Variants in TSC1 observed in about 807,000 individuals in gnomAD.
TSC1 encodes the protein hamartin.
TSC1 carries 20 observed loss-of-function variants against 124.3 expected under a neutral mutation model. The observed-to-expected ratio is 0.16, with a 90% CI of 0.11 to 0.23. TSC1 has a LOEUF of 0.23. Ranked by LOEUF, TSC1 falls within the 10% of genes least tolerant of loss-of-function variation. The probability of loss-of-function intolerance (pLI) is 1.00; values close to 1 mark genes in which losing one functional copy is unlikely to be tolerated. For missense variants in TSC1, 1,124 were observed against 1,448.5 expected (o/e 0.78, Z 3.64); for synonymous variants, 493 against 539.1 (o/e 0.91, Z 1.19).
At chr9:132,930,260 G>C (rs1204103131) in intron 2 of TSC1, among the ~76,000 whole-genome samples, 1 of 152,082 alleles carries the variant, frequency 6.6e-6, no homozygotes, top group Non-Finnish European at 1.5e-5. Flanking sequence ...CTATGATAAA[G>C]AAAAATCCAA....
chr9:132,941,053 C>G (rs1047892850), intron 1 of TSC1: 2 of 152,216 alleles, frequency 1.3e-5, no homozygotes, highest in African/African-American at 2.4e-5. Context: ...TGGGCCTCTA[C>G]TGCCATCATA....
At chr9:132,910,382 T>C (rs1267760294) in intron 12 of TSC1, 189 bp downstream of exon 12, 1 of 1,046,772 alleles carries the variant, frequency 9.6e-7, no homozygotes, top group Non-Finnish European at 1.4e-6. Flanking sequence ...AAGCAGAGTT[T>C]TGGAACCACC....
chr9:132,931,575 T>C (rs1015995846), intron 2 of TSC1: 1 of 152,152 alleles, frequency 6.6e-6, no homozygotes, highest in Non-Finnish European at 1.5e-5. Context: ...CCAGGAAAAA[T>C]ATAAACATTG....
intron 5 of TSC1, 103 bp downstream of exon 5, chr9:132,925,484 A>G: frequency 6.8e-7 from 1 of 1,465,766 alleles, no homozygotes; most frequent in Non-Finnish European, 9.4e-7. Context: ...AGAAGGTTTT[A>G]AACTCTAAAA....
chr9:132,939,175 C>A (rs1471610180), intron 1 of TSC1: 1 of 152,140 alleles, frequency 6.6e-6, no homozygotes, highest in African/African-American at 2.4e-5. Flanking sequence ...TCTCAGGTGA[C>A]TTCTTAGGGT....
At chr9:132,914,415 C>A (rs1344614866) in intron 8 of TSC1, among the ~76,000 whole-genome samples, 2 of 151,968 alleles carry the variant, frequency 1.3e-5, no homozygotes, top group Non-Finnish European at 2.9e-5. Context: ...TTTAGCAGAT[C>A]GATGGTTGCC....
rs1309138626 is a variant in TSC1 at position 132,905,925 on chromosome 9, G to A, written c.1653C>T (p.Ala551=). ...CGCAGGGCAGGTCTATGGGAGTAAA[G>A]GCTTGCTTTGGTGTGTCAGGCCCAA... The part of the protein sequence containing the change: ...DKLGPDTPKQ[A]FTPIDLPCGS... Residue 551 remains alanine, a synonymous_variant, in exon 15 of 23, where the codon GCC becomes GCT. Transcript: ENST00000298552. 6.2e-7 allele frequency: 1 copy of A among 1,613,630 alleles called. No individual in the cohort carries two copies. Among genetic ancestry groups the A allele is most frequent in the South Asian group, 1.1e-5 (1 of 91,086 alleles).
rs1312526627 is a variant in TSC1, at chr9:132,903,997, T to TC, written c.2042-181dup. On this transcript the variant is annotated intron_variant, in intron 16 of 22. Transcript: ENST00000298552. This position sits in a 1 kb window ranked among gnomAD's most constrained non-coding sequence, Gnocchi z 5.9. ...GGGGGGAAAGTATGGACTATGTGTC[T>TC]CCCCCGTGAAGGAATGCAAAAGGTC... 4.6e-5 allele frequency among the ~76,000 whole-genome samples: 7 copies of TC among 152,012 alleles called. No homozygotes were observed. Among genetic ancestry groups the TC allele is most frequent in the Admixed American group, 3.3e-4 (5 of 15,256 alleles).
At position 132,893,697 on chromosome 9, in the gene TSC1, T is replaced by C. The variant is rs1844885303; in HGVS notation, c.*2538A>G. 1 of 233,166 alleles carries C rather than the reference T, an allele frequency of 4.3e-6. No individual in the cohort carries two copies. The highest frequency in any genetic ancestry group is 2.2e-5 in the African/African-American group (1 of 45,360). 14.4% of individuals were successfully genotyped at this position (233,166 alleles called of 1,614,324 possible). On this transcript the variant is annotated 3_prime_UTR_variant, in exon 23 of 23. Coordinates refer to ENST00000298552, the MANE Select transcript of TSC1 (RefSeq NM_000368.5). ...AGGTATGCTCACCCATAGTGATTTC[T>C]GGATGGAGGCCATCCAATCCCAATA...
chr9:132,906,666 A>G lies in TSC1; in HGVS notation c.1438+65T>C. ...GCAAGCCTGTGAGCAATGGCACAAA[A>G]TCCCAGATTTATAGCAGAGCGAGGG... On this transcript the variant is annotated intron_variant, in intron 14 of 22. Transcript: ENST00000298552. The surrounding 1 kb of genome is among the most constrained non-coding windows in gnomAD (Gnocchi z 4.1). 7.0e-7 allele frequency: 1 copy of G among 1,418,704 alleles called. No homozygotes were observed. The highest frequency in any genetic ancestry group is 9.8e-7 in the Non-Finnish European group (1 of 1,021,744). 87.9% of individuals were successfully genotyped at this position (1,418,704 alleles called of 1,614,324 possible).
In TSC1 at chr9:132,893,596, CG is replaced by C. The variant is rs1039342684; in HGVS notation, c.*2638del. ...GCACAGCAGCAGACTTCGGGCTCCT[CG>C]GGGCCTGTGCTGACTCTGGTTAGTG... On this transcript the variant is annotated 3_prime_UTR_variant, in exon 23 of 23. Coordinates refer to ENST00000298552, the MANE Select transcript of TSC1 (RefSeq NM_000368.5). The C allele has an allele frequency of 9.9e-5, 23 of 233,186 alleles. No individual in the cohort carries two copies. The highest frequency in any genetic ancestry group is 4.8e-4 in the African/African-American group (22 of 45,450). The allele number at this position is 233,186 out of a possible 1,614,324, so 14.4% of individuals were successfully genotyped here. A position where few individuals can be genotyped will look rare whatever the true frequency, so the allele number is the denominator to read the frequency against.
chr9:132,901,521 C>A (rs1845370184), intron 19 of TSC1, 68 bp downstream of exon 19: 1 of 1,399,908 alleles, frequency 7.1e-7, no homozygotes, highest in Admixed American at 1.7e-5. Context: ...ATTTCTTTAA[C>A]CTGTCTGAAG....
chr9:132,928,584 A>C (rs1480005674), intron 3 of TSC1, among the ~76,000 whole-genome samples, 183 bp downstream of exon 3: 1 of 152,174 alleles, frequency 6.6e-6, no homozygotes, highest in Non-Finnish European at 1.5e-5. Context: ...TTCTTACTTC[A>C]TGTGTGTGCA....
At chr9:132,937,929 TG>T (rs1847547685) in intron 1 of TSC1, among the ~76,000 whole-genome samples, 1 of 152,186 alleles carries the variant, frequency 6.6e-6, no homozygotes, top group African/African-American at 2.4e-5. Context: ...TCGCCCAGGC[TG>T]GTCTAGAACT....
intron 15 of TSC1, among the ~76,000 whole-genome samples, chr9:132,904,756 G>A (rs188802243): frequency 1.2e-4 from 18 of 152,302 alleles, no homozygotes; most frequent in Admixed American, 7.2e-4. Flanking sequence ...CGTGGCCTCC[G>A]TTTCTGGGGC....
chr9:132,896,571 G>C lies in TSC1; in HGVS notation c.3159C>G (p.His1053Gln), dbSNP rs778413037. Reference protein sequence around the residue: ...SELSTPEKPPHQRAGPFSSRW... With the variant: ...SELSTPEKPPQQRAGPFSSRW... Reference sequence around the variant, plus strand: ...GACTGCTGAATGGGCCTGCCCTCTGGTGTGGGGGTTTCTCTGGGGTAGAAA... The same window carrying C: ...GACTGCTGAATGGGCCTGCCCTCTGCTGTGGGGGTTTCTCTGGGGTAGAAA... Residue 1053 changes from histidine (H) to glutamine (Q), a missense_variant, in exon 23 of 23, where the codon CAC becomes CAG. Physicochemically the swap from His to Gln is conservative, Grantham distance 24 (BLOSUM62 0). Around this residue, in one of 5 missense-constraint regions of TSC1, gnomAD observed 325 missense variants for 383.4 expected, o/e 0.85. Coordinates refer to ENST00000298552, the MANE Select transcript of TSC1 (RefSeq NM_000368.5). The surrounding 1 kb of genome is among the most constrained non-coding windows in gnomAD (Gnocchi z 4.5). The C allele has an allele frequency of 1.2e-6, 2 of 1,613,952 alleles. No individual in the cohort carries two copies. Among genetic ancestry groups the C allele is most frequent in the Non-Finnish European group, 1.7e-6 (2 of 1,179,968 alleles).
intron 2 of TSC1, among the ~76,000 whole-genome samples, chr9:132,933,757 A>G (rs1847324945): frequency 6.6e-6 from 1 of 152,240 alleles, no homozygotes; most frequent in Admixed American, 6.5e-5. Flanking sequence ...CTAAAATGCA[A>G]TACAATTACT....
At chr9:132,910,977 C>G (rs1845924202) in intron 11 of TSC1, 25 bp downstream of exon 11, 1 of 1,606,734 alleles carries the variant, frequency 6.2e-7, no homozygotes, top group African/African-American at 1.3e-5. Context: ...ACCAACTAAT[C>G]AAATCCAACC....
chr9:132,906,199 G>T lies in TSC1; in HGVS notation c.1439-60C>A. 1 of 1,563,260 alleles carries T rather than the reference G, an allele frequency of 6.4e-7. No homozygotes were observed. The stretch of plus-strand genomic sequence containing the variant: ...TCGGTATTCCACCTGGGAAAGACTA[G>T]GCAGTTTGGGTGGCATGCTGCCACA... On this transcript the variant is annotated intron_variant, in intron 14 of 22. Coordinates refer to ENST00000298552, the MANE Select transcript of TSC1 (RefSeq NM_000368.5). The surrounding 1 kb of genome is among the most constrained non-coding windows in gnomAD (Gnocchi z 4.1).
Sources: gnomAD v4.1 joint callset for allele counts (sites outside exome capture counted in the v4.1 genomes callset) on GRCh38, gnomAD v4.1.1 for gene constraint, gnomAD v4.1.1 regional missense constraint, Gnocchi (gnomAD v3.1) non-coding constraint, MANE v1.5 for transcripts, NCBI Gene and HGNC (gene_info 2026-07-23, HGNC 2026-07-21) for gene names.